RGS6: variants seen among roughly 807,000 people sequenced by gnomAD.
RGS6 encodes the protein regulator of G-protein signaling 6.
In RGS6, 30 loss-of-function variants were observed where a neutral mutation model predicts 78.5. The observed-to-expected ratio is 0.38, with a 90% CI of 0.29 to 0.52. The LOEUF is 0.52. Among genes scored for constraint, RGS6 ranks in the 20% least tolerant of loss-of-function variants. The probability of loss-of-function intolerance (pLI) is 0.85; values close to 1 mark genes in which losing one functional copy is unlikely to be tolerated. For missense variants in RGS6, 495 were observed against 609.7 expected, an observed-to-expected ratio of 0.81 and a Z score of 1.98; for synonymous variants, 206 against 206.0, an observed-to-expected ratio of 1.00 and a Z score of 0.00.
rs117806652 is a variant in RGS6 at position 72,129,158 on chromosome 14, C to G, written c.84+164283C>G. 5.9e-5 allele frequency among the ~76,000 whole-genome samples: 9 copies of G among 152,166 alleles called. No homozygotes were observed. The East Asian group carries it at 1.5e-3, about 26-fold the overall frequency. On this transcript the variant is annotated intron_variant, in intron 2 of 17. Transcript: ENST00000553525. ...GAGAAAACTGCGTGGAGAAGGGGAA[C>G]TTGAGTTGAATCTTACTTACACCAG... is the stretch of plus-strand genomic sequence containing the variant.
rs1295847085 is a variant in RGS6 at position 72,491,190 on chromosome 14, T to A, written c.855-3962T>A. 4.6e-5 allele frequency among the ~76,000 whole-genome samples: 7 copies of A among 152,154 alleles called. No homozygotes were observed. In the East Asian group the frequency reaches 1.2e-3, roughly 25 times the overall value. ...CAAGCTGGCAATGCTTAAGGAAAAA[T>A]TTTATTGTGGATCGATAACCATAAA... On this transcript the variant is annotated intron_variant, in intron 12 of 17. Transcript: ENST00000553525.
chr14:72,617,537 T>A, the RGS6 span, among the ~76,000 whole-genome samples: 1 of 152,132 alleles, frequency 6.6e-6, no homozygotes, highest in Non-Finnish European at 1.5e-5. Flanking sequence ...GCCCTTTAAA[T>A]GAGACCATTA....
In RGS6 at chr14:72,136,655, C is replaced by T. The variant is rs886630839; in HGVS notation, c.84+171780C>T. Among the ~76,000 whole-genome samples the T allele has an allele frequency of 1.1e-4, 17 of 152,206 alleles. 1 individual carries two copies. The highest frequency in any genetic ancestry group is 3.4e-3 in the Middle Eastern group (1 of 294). ...CTCCCACTGGGTCCCTCCCACAAGA[C>T]GTGGGAATTATGAGAGCTACAATTC... On this transcript the variant is annotated intron_variant, in intron 2 of 17. Transcript: ENST00000553525.
At position 72,562,490 on chromosome 14, in the gene RGS6, G is replaced by A. The variant is rs746562484; in HGVS notation, c.*23G>A. ...TGACCGTTCCTACCGCAGGTCCAGG[G>A]CCTGGGCCCGCGGACCCCACAGGCA... On this transcript the variant is annotated 3_prime_UTR_variant, in exon 18 of 18. Coordinates refer to ENST00000553525, the MANE Select transcript of RGS6 (RefSeq NM_001204424.2). 6.2e-7 allele frequency: 1 copy of A among 1,610,750 alleles called. No individual in the cohort carries two copies. Among genetic ancestry groups the A allele is most frequent in the South Asian group, 1.1e-5 (1 of 91,046 alleles).
intron 17 of RGS6, among the ~76,000 whole-genome samples, chr14:72,541,921 AGTG>A (rs1414371534): frequency 3.3e-5 from 5 of 152,156 alleles, no homozygotes; most frequent in African/African-American, 9.7e-5. Flanking sequence ...TCATCCCAGA[AGTG>A]GTGTTGGCTT....
intron 2 of RGS6, among the ~76,000 whole-genome samples, chr14:72,251,239 C>T (rs1217641847): frequency 6.6e-6 from 1 of 152,136 alleles, no homozygotes; most frequent in Admixed American, 6.5e-5. Flanking sequence ...TTTCCTGAAG[C>T]GGTCCTCAGA....
intron 2 of RGS6, among the ~76,000 whole-genome samples, chr14:72,350,180 C>T (rs923858232): frequency 6.6e-6 from 1 of 152,158 alleles, no homozygotes; most frequent in African/African-American, 2.4e-5. Context: ...TCATCTACCT[C>T]CTGAAGGGCT....
the RGS6 span, among the ~76,000 whole-genome samples, chr14:71,924,631 G>A: frequency 4.6e-5 from 7 of 152,208 alleles, no homozygotes; most frequent in South Asian, 1.5e-3. Flanking sequence ...CCACATATAA[G>A]TGAGATCATG....
intron 13 of RGS6, among the ~76,000 whole-genome samples, chr14:72,503,455 G>T (rs181386322): frequency 2.0e-5 from 3 of 152,272 alleles, no homozygotes; most frequent in South Asian, 4.1e-4. Flanking sequence ...TGAGATTAAA[G>T]ATACCATTCA....
chr14:72,078,574 T>C (rs754714930), intron 2 of RGS6, among the ~76,000 whole-genome samples: 187 of 152,108 alleles, frequency 1.2e-3, no homozygotes, highest in Non-Finnish European at 2.3e-3. Flanking sequence ...TCACCACGCC[T>C]AGCTAATTTT....
At chr14:72,088,869 C>T (rs532272655) in intron 2 of RGS6, among the ~76,000 whole-genome samples, 2 of 152,332 alleles carry the variant, frequency 1.3e-5, no homozygotes, top group South Asian at 4.1e-4. Context: ...AGCTCATTCC[C>T]TCTGCAAGAC....
At chr14:72,277,319 C>T (rs377563745) in intron 2 of RGS6, among the ~76,000 whole-genome samples, 9 of 152,298 alleles carry the variant, frequency 5.9e-5, no homozygotes, top group African/African-American at 1.4e-4. Flanking sequence ...CTCTACTAGC[C>T]GGGTGCGGTG....
At chr14:71,979,722 A>G (rs1356696586) in intron 2 of RGS6, among the ~76,000 whole-genome samples, 1 of 152,190 alleles carries the variant, frequency 6.6e-6, no homozygotes, top group Non-Finnish European at 1.5e-5. Flanking sequence ...ATGTGCTGAA[A>G]AAAATGTATA....
intron 2 of RGS6, among the ~76,000 whole-genome samples, chr14:72,083,135 A>G (rs2094891951): frequency 6.6e-6 from 1 of 152,208 alleles, no homozygotes; most frequent in African/African-American, 2.4e-5. Flanking sequence ...AAACTTGCCT[A>G]TAAGGTCTCA....
chr14:72,433,442 T>G (rs1240707323), intron 3 of RGS6, among the ~76,000 whole-genome samples: 1 of 151,630 alleles, frequency 6.6e-6, no homozygotes, highest in African/African-American at 2.4e-5. Flanking sequence ...ATGGCACACA[T>G]TTACCTAAGT....
chr14:72,456,682 T>C (rs2095639496), intron 4 of RGS6, among the ~76,000 whole-genome samples: 1 of 152,214 alleles, frequency 6.6e-6, no homozygotes, highest in South Asian at 2.1e-4. Flanking sequence ...GAAAGTCACC[T>C]TCCTACAGGA....
intron 2 of RGS6, among the ~76,000 whole-genome samples, chr14:72,300,021 T>C (rs1282994372): frequency 1.3e-5 from 2 of 152,204 alleles, no homozygotes; most frequent in Non-Finnish European, 1.5e-5. Context: ...TTCATTCTTT[T>C]ACTTACCCTG....
At chr14:71,922,055 A>C in the RGS6 span, among the ~76,000 whole-genome samples, 10 of 152,206 alleles carry the variant, frequency 6.6e-5, no homozygotes, top group Non-Finnish European at 1.0e-4. Context: ...CTCCCAAAGC[A>C]CTGAAATGAA....
chr14:72,145,861 A>G (rs569670664), intron 2 of RGS6, among the ~76,000 whole-genome samples: 1 of 152,314 alleles, frequency 6.6e-6, no homozygotes, highest in Admixed American at 6.5e-5. Context: ...GAGGAATCTC[A>G]TCTGTCTAGG....
Sources: gnomAD v4.1 joint callset for allele counts (sites outside exome capture counted in the v4.1 genomes callset) on GRCh38, gnomAD v4.1.1 for gene constraint, MANE v1.5 for transcripts, NCBI Gene and HGNC (gene_info 2026-07-23, HGNC 2026-07-21) for gene names.